RCAN2: variants seen among roughly 807,000 people sequenced by gnomAD.
The protein encoded by RCAN2 is regulator of calcineurin 2.
In RCAN2, 9 loss-of-function variants were observed where a neutral mutation model predicts 23.6. The ratio of observed to expected loss-of-function variants is 0.38; its 90% CI spans 0.23 to 0.67. The LOEUF is 0.67. Ranked by LOEUF, RCAN2 falls within the 30% of genes least tolerant of loss-of-function variation. RCAN2 has a pLI of 0.51. For missense variants in RCAN2, 273 were observed against 302.3 expected (o/e 0.90, Z 0.72); for synonymous variants, 109 against 115.7 (o/e 0.94, Z 0.37).
chr6:46,405,564 G>A (rs1443229330), intron 2 of RCAN2, among the ~76,000 whole-genome samples: 1 of 152,204 alleles, frequency 6.6e-6, no homozygotes, highest in African/African-American at 2.4e-5. Flanking sequence ...CCCCACCAGA[G>A]CAGCTAGATA....
intron 1 of RCAN2, among the ~76,000 whole-genome samples, chr6:46,457,851 T>A (rs1317745830): frequency 6.6e-6 from 1 of 152,204 alleles, no homozygotes; most frequent in East Asian, 1.9e-4. Flanking sequence ...TCAACCCTTC[T>A]ATTATTTTTT....
intron 2 of RCAN2, among the ~76,000 whole-genome samples, chr6:46,385,328 A>G (rs1765712569): frequency 6.6e-6 from 1 of 152,212 alleles, no homozygotes; most frequent in African/African-American, 2.4e-5. Flanking sequence ...TAGACAAGGC[A>G]CCACTGCCCT....
chr6:46,265,781 C>T (rs1224178061), intron 2 of RCAN2, among the ~76,000 whole-genome samples: 4 of 152,132 alleles, frequency 2.6e-5, no homozygotes, highest in South Asian at 2.1e-4. Flanking sequence ...ATAAAAGTTA[C>T]GGAATAAATT....
At chr6:46,456,675 C>A in intron 2 of RCAN2, 77 bp downstream of exon 2, 1 of 1,145,456 alleles carries the variant, frequency 8.7e-7, no homozygotes, top group Non-Finnish European at 1.3e-6. Flanking sequence ...AAAACACCAA[C>A]CACAAATGAA....
intron 2 of RCAN2, among the ~76,000 whole-genome samples, chr6:46,300,982 A>G (rs939064965): frequency 6.6e-6 from 1 of 151,656 alleles, no homozygotes; most frequent in Non-Finnish European, 1.5e-5. Context: ...TTTTTTTTTT[A>G]AATCCGAAGT....
chr6:46,405,018 A>T (rs890773871), intron 2 of RCAN2, among the ~76,000 whole-genome samples: 1 of 152,226 alleles, frequency 6.6e-6, no homozygotes, highest in African/African-American at 2.4e-5. Context: ...ACTATCTTAT[A>T]ACGGGTTGGG....
chr6:46,272,966 A>G (rs975873074), intron 2 of RCAN2, among the ~76,000 whole-genome samples: 1 of 152,148 alleles, frequency 6.6e-6, no homozygotes, highest in African/African-American at 2.4e-5. Context: ...CTTTCATTGT[A>G]GCTGTTTTGC....
intron 2 of RCAN2, among the ~76,000 whole-genome samples, chr6:46,351,089 T>C (rs1490600042): frequency 6.6e-6 from 1 of 152,240 alleles, no homozygotes; most frequent in Non-Finnish European, 1.5e-5. Context: ...TATATCTATA[T>C]GATCAATACC....
intron 2 of RCAN2, among the ~76,000 whole-genome samples, chr6:46,317,623 G>A (rs1407973992): frequency 2.0e-5 from 3 of 151,950 alleles, no homozygotes; most frequent in Admixed American, 6.6e-5. Context: ...CACCATGCCC[G>A]GCTAATTTTT....
intron 2 of RCAN2, among the ~76,000 whole-genome samples, chr6:46,295,857 A>G (rs1317565928): frequency 6.6e-6 from 1 of 151,970 alleles, no homozygotes; most frequent in African/African-American, 2.4e-5. Flanking sequence ...AGGAGGGAGG[A>G]TCTAGACACA....
intron 2 of RCAN2, among the ~76,000 whole-genome samples, chr6:46,359,453 T>C (rs1764936435): frequency 6.6e-6 from 1 of 152,204 alleles, no homozygotes; most frequent in Non-Finnish European, 1.5e-5. Flanking sequence ...AAGATATTTG[T>C]CAGTCAAATT....
chr6:46,345,237 T>C (rs1175122019), intron 2 of RCAN2, among the ~76,000 whole-genome samples: 2 of 151,950 alleles, frequency 1.3e-5, no homozygotes, highest in Non-Finnish European at 2.9e-5. Context: ...TAATAACGAG[T>C]ATTCAAAATA....
chr6:46,442,739 T>C (rs374009239), intron 2 of RCAN2, among the ~76,000 whole-genome samples: 4 of 152,314 alleles, frequency 2.6e-5, no homozygotes, highest in South Asian at 2.1e-4. Context: ...CTCAACTCTA[T>C]CCATCAGGTT....
At chr6:46,346,370 C>A (rs1399443334) in intron 2 of RCAN2, among the ~76,000 whole-genome samples, 1 of 152,072 alleles carries the variant, frequency 6.6e-6, no homozygotes, top group Admixed American at 6.5e-5. Flanking sequence ...TTTATAAGGG[C>A]AGCATAATCC....
intron 1 of RCAN2, among the ~76,000 whole-genome samples, chr6:46,486,055 A>G (rs938137471): frequency 2.0e-5 from 3 of 152,190 alleles, no homozygotes; most frequent in African/African-American, 7.2e-5. Context: ...TATTGTGACA[A>G]TCATCCTCAA....
intron 2 of RCAN2, among the ~76,000 whole-genome samples, chr6:46,375,488 T>TA (rs1765431648): frequency 1.3e-5 from 2 of 152,214 alleles, no homozygotes; most frequent in Non-Finnish European, 2.9e-5. Context: ...TACTTTAAAC[T>TA]AAAGTCCAAA....
intron 1 of RCAN2, among the ~76,000 whole-genome samples, chr6:46,458,700 T>C (rs960306598): frequency 6.6e-6 from 1 of 152,186 alleles, no homozygotes; most frequent in African/African-American, 2.4e-5. Flanking sequence ...ATTGAACTGC[T>C]AGACAACTTC....
chr6:46,436,874 T>C (rs1009324323), intron 2 of RCAN2, among the ~76,000 whole-genome samples: 1 of 152,162 alleles, frequency 6.6e-6, no homozygotes, highest in Non-Finnish European at 1.5e-5. Flanking sequence ...GCTTGAGTTC[T>C]TAGATAATAA....
intron 2 of RCAN2, among the ~76,000 whole-genome samples, chr6:46,326,598 G>C (rs1763803788): frequency 6.6e-6 from 1 of 152,196 alleles, no homozygotes; most frequent in Non-Finnish European, 1.5e-5. Flanking sequence ...CCTTTCACAG[G>C]AGTGACCAAA....
Sources: gnomAD v4.1 joint callset for allele counts (sites outside exome capture counted in the v4.1 genomes callset) on GRCh38, gnomAD v4.1.1 for gene constraint, MANE v1.5 for transcripts, NCBI Gene and HGNC (gene_info 2026-07-23, HGNC 2026-07-21) for gene names.